AKAP13: variants seen among roughly 807,000 people sequenced by gnomAD.
AKAP13 encodes the protein A-kinase anchor protein 13.
Under a neutral mutation model 264.5 loss-of-function variants are expected in AKAP13, and 80 were observed. That is an observed-to-expected ratio of 0.30 (90% CI 0.25 to 0.36). The LOEUF (loss-of-function observed/expected upper bound fraction) is 0.36, where lower values mean the gene tolerates loss of function less well. Among genes scored for constraint, AKAP13 ranks in the 10% least tolerant of loss-of-function variants. The probability of loss-of-function intolerance (pLI) is 1.00; values close to 1 mark genes in which losing one functional copy is unlikely to be tolerated. For missense variants in AKAP13, 3,712 were observed against 3,435.2 expected (o/e 1.08, Z -2.01); for synonymous variants, 1,380 against 1,250.2 (o/e 1.10, Z -2.19).
chr15:85,458,650 G>T lies in AKAP13; in HGVS notation c.-11-27060G>T, dbSNP rs142683135. Among the ~76,000 whole-genome samples the T allele has an allele frequency of 2.0e-5, 3 of 152,102 alleles. No individual in the cohort carries two copies. The East Asian group carries it at 5.8e-4, about 29-fold the overall frequency. On this transcript the variant is annotated intron_variant, in intron 1 of 36. Coordinates refer to ENST00000394518, the MANE Select transcript of AKAP13 (RefSeq NM_007200.5). The stretch of plus-strand genomic sequence containing the variant: ...TACGTATTAGACAGATTTCTACTGC[G>T]TTGAAACTTAGGGTGATCATTTTGA...
chr15:85,435,246 C>G (rs925100902), intron 1 of AKAP13, among the ~76,000 whole-genome samples: 19 of 149,724 alleles, frequency 1.3e-4, no homozygotes, highest in Middle Eastern at 3.4e-3. Context: ...TGAAATGAAG[C>G]GAGAAGGGAA....
At chr15:85,723,575 AAAAAC>A (rs1287943120) in intron 26 of AKAP13, among the ~76,000 whole-genome samples, 1 of 152,212 alleles carries the variant, frequency 6.6e-6, no homozygotes, top group East Asian at 1.9e-4. Flanking sequence ...AAGGTTTTAA[AAAAAC>A]AAAGCAAAGC....
chr15:85,568,976 C>T (rs1234813392), intron 5 of AKAP13, among the ~76,000 whole-genome samples: 7 of 152,040 alleles, frequency 4.6e-5, no homozygotes, highest in African/African-American at 1.7e-4. Context: ...AGACCAGTGC[C>T]TGTAGGATTT....
chr15:85,564,732 A>G (rs1421184453), intron 5 of AKAP13, among the ~76,000 whole-genome samples: 1 of 152,126 alleles, frequency 6.6e-6, no homozygotes, highest in African/African-American at 2.4e-5. Flanking sequence ...ATCTCAAACC[A>G]TCTTAAACGT....
chr15:85,524,410 G>A (rs1434484609), intron 3 of AKAP13, among the ~76,000 whole-genome samples: 4 of 151,816 alleles, frequency 2.6e-5, no homozygotes, highest in African/African-American at 7.3e-5. Flanking sequence ...TCCTGACCTC[G>A]TGATCTGCCC....
At chr15:85,434,449 C>G (rs983239626) in intron 1 of AKAP13, among the ~76,000 whole-genome samples, 6 of 152,220 alleles carry the variant, frequency 3.9e-5, no homozygotes, top group African/African-American at 1.4e-4. Context: ...CCGGGAAGCT[C>G]GAACTGGGTG....
chr15:85,650,789 A>C (rs867019634), intron 10 of AKAP13, among the ~76,000 whole-genome samples: 1,422 of 116,798 alleles, frequency 0.012, 41 homozygotes, highest in African/African-American at 0.04. Flanking sequence ...AAAAAAAAAA[A>C]ACAACAAAAA....
chr15:85,592,259 A>G (rs574351530), intron 8 of AKAP13, among the ~76,000 whole-genome samples: 5 of 152,200 alleles, frequency 3.3e-5, no homozygotes, highest in South Asian at 4.1e-4. Context: ...TCTGTTGTCT[A>G]AAGGGGGCGA....
intron 5 of AKAP13, among the ~76,000 whole-genome samples, chr15:85,558,412 G>A (rs929824923): frequency 1.3e-5 from 2 of 152,126 alleles, no homozygotes; most frequent in Non-Finnish European, 2.9e-5. Flanking sequence ...ATAAAAATAC[G>A]CAAGGTCATT....
chr15:85,442,956 T>G (rs898835887), intron 1 of AKAP13, among the ~76,000 whole-genome samples: 1 of 152,172 alleles, frequency 6.6e-6, no homozygotes, highest in Non-Finnish European at 1.5e-5. Flanking sequence ...AAAATTTGTT[T>G]CCTCTCTTCA....
At chr15:85,662,582 G>GGCAATGAAATGCTGTGCT in intron 12 of AKAP13, 1 of 999,490 alleles carries the variant, frequency 1.0e-6, no homozygotes, top group Non-Finnish European at 1.6e-6. Flanking sequence ...TGTGAGCACA[G>GGCAATGAAATGCTGTGCT]CATTTCATTG....
chr15:85,683,013 G>T (rs1019905115), intron 15 of AKAP13, among the ~76,000 whole-genome samples: 3 of 152,104 alleles, frequency 2.0e-5, no homozygotes, highest in Admixed American at 2.0e-4. Context: ...TTTTATTTAG[G>T]TTTTCATGCT....
intron 1 of AKAP13, among the ~76,000 whole-genome samples, chr15:85,381,014 C>CAG (rs2083390878): frequency 6.6e-6 from 1 of 152,102 alleles, no homozygotes; most frequent in Admixed American, 6.5e-5. Flanking sequence ...CATCGCCCTT[C>CAG]TCCCGCATTG....
intron 8 of AKAP13, among the ~76,000 whole-genome samples, chr15:85,636,389 T>A (rs919321535): frequency 6.6e-6 from 1 of 152,354 alleles, no homozygotes; most frequent in South Asian, 2.1e-4. Flanking sequence ...TTCTTTCTTT[T>A]TCTGCTTTAC....
At chr15:85,603,086 G>C (rs1408862435) in intron 8 of AKAP13, among the ~76,000 whole-genome samples, 8 of 152,176 alleles carry the variant, frequency 5.3e-5, no homozygotes, top group Admixed American at 3.9e-4. Flanking sequence ...TTGAGAAGCA[G>C]GTTCTAAGAA....
At chr15:85,712,583 A>T (rs2086689824) in intron 19 of AKAP13, among the ~76,000 whole-genome samples, 2 of 151,260 alleles carry the variant, frequency 1.3e-5, no homozygotes, top group African/African-American at 4.9e-5. Context: ...TTACTCTGTC[A>T]CCCAGGCTGG....
In AKAP13 at chr15:85,746,410, T is replaced by C. The variant is rs918365642; in HGVS notation, c.*1733T>C. The C allele has an allele frequency of 1.3e-5, 2 of 152,266 alleles. No homozygotes were observed. Among genetic ancestry groups the C allele is most frequent in the Admixed American group, 6.5e-5 (1 of 15,298 alleles). The allele number at this position is 152,266 out of a possible 1,614,324, so 9.4% of individuals were successfully genotyped here. A position where few individuals can be genotyped will look rare whatever the true frequency, so the allele number is the denominator to read the frequency against. On this transcript the variant is annotated 3_prime_UTR_variant, in exon 37 of 37. Coordinates refer to ENST00000394518, the MANE Select transcript of AKAP13 (RefSeq NM_007200.5). The stretch of plus-strand genomic sequence containing the variant: ...GCCAGCACTGTTCACTCTGTGTCTT[T>C]TGAAGTGCCTTGAAGGCCCAGATGA...
chr15:85,411,814 G>T (rs2071985119), intron 1 of AKAP13, among the ~76,000 whole-genome samples: 1 of 152,132 alleles, frequency 6.6e-6, no homozygotes, highest in African/African-American at 2.4e-5. Context: ...TCCAGAAATT[G>T]GTTATTTGGC....
chr15:85,666,237 A>G (rs1207862582), intron 13 of AKAP13, among the ~76,000 whole-genome samples: 1 of 152,182 alleles, frequency 6.6e-6, no homozygotes, highest in African/African-American at 2.4e-5. Context: ...GTGAGATGGT[A>G]TCTCATTGTG....
Sources: gnomAD v4.1 joint callset for allele counts (sites outside exome capture counted in the v4.1 genomes callset) on GRCh38, gnomAD v4.1.1 for gene constraint, MANE v1.5 for transcripts, NCBI Gene and HGNC (gene_info 2026-07-23, HGNC 2026-07-21) for gene names.